Variants in BPTF observed in about 807,000 individuals in gnomAD.
The protein encoded by BPTF is nucleosome-remodeling factor subunit BPTF.
BPTF carries 18 observed loss-of-function variants against 292.5 expected under a neutral mutation model. That is an observed-to-expected ratio of 0.06 (90% CI 0.04 to 0.09). The LOEUF is 0.09. BPTF is among the 10% of genes least tolerant of loss of function. BPTF has a pLI of 1.00. For missense variants in BPTF, 2,726 were observed against 3,498.7 expected, an observed-to-expected ratio of 0.78 and a Z score of 5.57; for synonymous variants, 1,225 against 1,251.9, an observed-to-expected ratio of 0.98 and a Z score of 0.45.
intron 5 of BPTF, 141 bp downstream of exon 5, chr17:67,892,175 G>A: frequency 3.0e-6 from 2 of 675,900 alleles, no homozygotes; most frequent in Non-Finnish European, 4.6e-6. Flanking sequence ...CGAAACTGTA[G>A]TAGTTAACAA....
intron 9 of BPTF, among the ~76,000 whole-genome samples, chr17:67,909,069 A>T (rs1053239689): frequency 6.6e-6 from 1 of 151,956 alleles, no homozygotes; most frequent in Non-Finnish European, 1.5e-5. Flanking sequence ...TCCTGACCTC[A>T]GGTGATGCAC....
rs1383525926 is a variant in BPTF at position 67,983,999 on chromosome 17, C to T, written c.*1711C>T. ...TTATGCTTACAAACTAAAGACTAAT[C>T]GCTCAATATGAAAACATGAAAAAAT... On this transcript the variant is annotated 3_prime_UTR_variant, in exon 28 of 28. Transcript: ENST00000306378. The T allele has an allele frequency of 6.6e-6, 1 of 152,406 alleles. No individual in the cohort carries two copies. Among genetic ancestry groups the T allele is most frequent in the African/African-American group, 2.4e-5 (1 of 41,386 alleles). 9.4% of individuals were successfully genotyped at this position (152,406 alleles called of 1,614,324 possible).
chr17:67,938,222 A>G (rs962102085), intron 18 of BPTF, among the ~76,000 whole-genome samples: 5 of 152,170 alleles, frequency 3.3e-5, no homozygotes, highest in African/African-American at 9.7e-5. Context: ...ATCAGTACCA[A>G]TCCTTTTATC....
chr17:67,976,028 A>G, intron 27 of BPTF, 70 bp downstream of exon 27: 1 of 1,250,088 alleles, frequency 8.0e-7, no homozygotes, highest in East Asian at 2.4e-5. Context: ...CTGTCTAACG[A>G]TTCAACCAGT....
chr17:67,961,389 C>G (rs538102911), intron 24 of BPTF, among the ~76,000 whole-genome samples: 1 of 152,080 alleles, frequency 6.6e-6, no homozygotes, highest in East Asian at 1.9e-4. Context: ...ATCTCTTGTC[C>G]CAAACTAGGC....
At chr17:67,869,504 A>G (rs183345781) in intron 3 of BPTF, among the ~76,000 whole-genome samples, 134 of 152,282 alleles carry the variant, frequency 8.8e-4, no homozygotes, top group African/African-American at 3.2e-3. Flanking sequence ...AGTACCTTGC[A>G]AAAACTGTGT....
chr17:67,838,175 A>G (rs2057279419), intron 1 of BPTF, among the ~76,000 whole-genome samples: 1 of 152,214 alleles, frequency 6.6e-6, no homozygotes, highest in African/African-American at 2.4e-5. Flanking sequence ...ACAATAAGTA[A>G]ACAAATGAGC....
intron 8 of BPTF, 83 bp downstream of exon 8, chr17:67,904,001 A>G (rs997105712): frequency 8.9e-7 from 1 of 1,129,136 alleles, no homozygotes; most frequent in Admixed American, 2.6e-5. Flanking sequence ...TACTAATTTT[A>G]TTTTTGACAT....
At chr17:67,924,416 A>G in intron 14 of BPTF, 131 bp from the exon 15 acceptor site, 2 of 982,074 alleles carry the variant, frequency 2.0e-6, no homozygotes. Context: ...CGCACAACCA[A>G]ATGTTTTATT....
chr17:67,875,111 C>A, intron 4 of BPTF, 91 bp downstream of exon 4: 2 of 1,045,396 alleles, frequency 1.9e-6, no homozygotes, highest in Non-Finnish European at 2.8e-6. Context: ...TGAAATATTG[C>A]AAGCAGCTAC....
intron 11 of BPTF, among the ~76,000 whole-genome samples, chr17:67,914,747 C>T (rs2062869052): frequency 6.6e-6 from 1 of 152,076 alleles, no homozygotes; most frequent in South Asian, 2.1e-4. Context: ...AAGTGTTGCT[C>T]GGGGCCCTGT....
chr17:67,959,629 C>A lies in BPTF; in HGVS notation c.8015C>A (p.Pro2672Gln), dbSNP rs782360487. Reference sequence around the variant, plus strand: ...ACAGCAGTAGCTGCACCCTGCCCCCCAGTGACACCAGCTCCTCCAGCCCCT... The same window carrying A: ...ACAGCAGTAGCTGCACCCTGCCCCCAAGTGACACCAGCTCCTCCAGCCCCT... Reference protein sequence around the residue: ...QATAVAAPCPPVTPAPPAPPA... With the variant: ...QATAVAAPCPQVTPAPPAPPA... Residue 2672 changes from proline to glutamine, a missense_variant, in exon 24 of 28, where the codon CCA becomes CAA. Physicochemically the swap from Pro to Gln is moderately conservative, Grantham distance 76 (BLOSUM62 -1). This residue lies in a region of BPTF where 148 missense variants were observed against 145.5 expected (regional missense o/e 1.02). Coordinates refer to ENST00000306378, the MANE Select transcript of BPTF (RefSeq NM_182641.4). 1.3e-6 allele frequency: 2 copies of A among 1,599,288 alleles called. No homozygotes were observed. Among genetic ancestry groups the A allele is most frequent in the South Asian group, 2.3e-5 (2 of 88,882 alleles).
chr17:67,873,317 G>T (rs112487679), intron 3 of BPTF, among the ~76,000 whole-genome samples: 74 of 152,098 alleles, frequency 4.9e-4, no homozygotes, highest in African/African-American at 1.6e-3. Flanking sequence ...AATTAGCCGG[G>T]TGTGGTGGCA....
At chr17:67,864,910 T>G (rs902838036) in intron 2 of BPTF, among the ~76,000 whole-genome samples, 1 of 152,142 alleles carries the variant, frequency 6.6e-6, no homozygotes, top group African/African-American at 2.4e-5. Flanking sequence ...GTTCACACCA[T>G]TCTCCTGCCT....
At chr17:67,933,277 GTAAAGA>G (rs2064578577) in intron 18 of BPTF, among the ~76,000 whole-genome samples, 1 of 150,708 alleles carries the variant, frequency 6.6e-6, no homozygotes, top group Non-Finnish European at 1.5e-5. Flanking sequence ...AAAAAAAAAG[GTAAAGA>G]TCATGGCCAG....
At chr17:67,976,343 C>T (rs1264506078) in intron 27 of BPTF, among the ~76,000 whole-genome samples, 2 of 152,128 alleles carry the variant, frequency 1.3e-5, no homozygotes, top group Admixed American at 1.3e-4. Flanking sequence ...TGTGGTGACG[C>T]ACGCATGTAA....
chr17:67,832,468 C>T (rs1034826886), intron 1 of BPTF, among the ~76,000 whole-genome samples: 1 of 152,034 alleles, frequency 6.6e-6, no homozygotes, highest in African/African-American at 2.4e-5. Context: ...ACAGTAATAG[C>T]TAAATTTATT....
At chr17:67,930,238 C>T (rs1017569936) in intron 17 of BPTF, among the ~76,000 whole-genome samples, 2 of 151,848 alleles carry the variant, frequency 1.3e-5, no homozygotes, top group Non-Finnish European at 2.9e-5. Flanking sequence ...CAATCTTGTT[C>T]CCCAGGCTGG....
At chr17:67,925,992 C>CTTTTTTTTTTTTT (rs60083535) in intron 15 of BPTF, among the ~76,000 whole-genome samples, 2 of 56,624 alleles carry the variant, frequency 3.5e-5, no homozygotes, top group Non-Finnish European at 6.4e-5. Flanking sequence ...TAACATATTA[C>CTTTTTTTTTTTTT]TTTTTTTTTT....
Sources: allele counts gnomAD v4.1 joint callset (sites outside exome capture counted in the v4.1 genomes callset), GRCh38; gene constraint gnomAD v4.1.1; regional missense constraint gnomAD v4.1.1; transcripts MANE v1.5; gene names NCBI Gene and HGNC (gene_info 2026-07-23, HGNC 2026-07-21).